Variants in PDS5B observed in about 807,000 individuals in gnomAD.
PDS5B encodes the protein PDS5 cohesin associated factor B, also known as sister chromatid cohesion protein PDS5 homolog B.
A neutral mutation model predicts 184.1 loss-of-function variants in PDS5B; 51 were observed. The observed-to-expected ratio is 0.28, with a 90% CI of 0.22 to 0.35. The LOEUF (loss-of-function observed/expected upper bound fraction) is 0.35. Ranked by LOEUF, PDS5B falls within the 10% of genes least tolerant of loss-of-function variation. PDS5B has a pLI of 1.00. For missense variants in PDS5B, 1,180 were observed against 1,723.3 expected, an observed-to-expected ratio of 0.68 and a Z score of 5.58; for synonymous variants, 566 against 569.2, an observed-to-expected ratio of 0.99 and a Z score of 0.08.
intron 7 of PDS5B, among the ~76,000 whole-genome samples, chr13:32,671,841 A>G (rs533527505): frequency 6.6e-6 from 1 of 152,350 alleles, no homozygotes; most frequent in South Asian, 2.1e-4. Context: ...CTTGTGTGGT[A>G]TAAAGAATCC....
chr13:32,770,819 A>T, intron 33 of PDS5B, 58 bp downstream of exon 33: 1 of 1,288,668 alleles, frequency 7.8e-7, no homozygotes, highest in Non-Finnish European at 1.1e-6. Flanking sequence ...AAAGTTCCTA[A>T]ATTTGTAAAC....
At position 32,694,221 on chromosome 13, in the gene PDS5B, A is replaced by G; in HGVS notation, c.1470-2A>G. The G allele has an allele frequency of 6.3e-7, 1 of 1,593,586 alleles. No homozygotes were observed. Among genetic ancestry groups the G allele is most frequent in the Non-Finnish European group, 8.6e-7 (1 of 1,166,236 alleles). ...TTAAATGTGTATGTTTGTGTTTTTC[A>G]GAGCATTGAATGAAATGTGGAAATG... On this transcript the variant is annotated splice_acceptor_variant, in intron 13 of 34. Coordinates refer to ENST00000315596, the MANE Select transcript of PDS5B (RefSeq NM_015032.4). LOFTEE classifies it high-confidence loss of function.
At chr13:32,633,704 T>A (rs1008184916) in intron 1 of PDS5B, among the ~76,000 whole-genome samples, 2 of 152,232 alleles carry the variant, frequency 1.3e-5, no homozygotes, top group Non-Finnish European at 2.9e-5. Context: ...CTAATTTTTC[T>A]TATAACCCCT....
At chr13:32,655,374 A>ATATATATATATATATATATATTT in intron 3 of PDS5B, among the ~76,000 whole-genome samples, 1 of 72,462 alleles carries the variant, frequency 1.4e-5, no homozygotes, top group Non-Finnish European at 2.2e-5. Flanking sequence ...ATATATATAT[A>ATATATATATATATATATATATTT]TTTTTTTTTT....
At position 32,732,123 on chromosome 13, in the gene PDS5B, C is replaced by T. The variant is rs768148525; in HGVS notation, c.2146C>T (p.His716Tyr). The change falls in exon 20 of 35, where the codon CAC becomes TAC. Residue 716 changes from histidine (H) to tyrosine (Y), a missense_variant. Transcript: ENST00000315596. ...TAGAGCCTTGCTTCCTGTTTTACAT[C>T]ACAAATCTAAAAAAGGACCCCCCCG... is the stretch of plus-strand genomic sequence containing the variant. ...IRSALLPVLH[H>Y]KSKKGPPRQA... The T allele has an allele frequency of 8.7e-6, 14 of 1,608,604 alleles. No homozygotes were observed. Among genetic ancestry groups the T allele is most frequent in the Non-Finnish European group, 1.1e-5 (13 of 1,176,572 alleles).
chr13:32,728,502 C>G (rs879385223), intron 19 of PDS5B, among the ~76,000 whole-genome samples: 1 of 152,164 alleles, frequency 6.6e-6, no homozygotes, highest in Non-Finnish European at 1.5e-5. Context: ...CAGGGATAGC[C>G]TCTGCAGATT....
At chr13:32,662,513 A>G (rs1312802021) in intron 6 of PDS5B, among the ~76,000 whole-genome samples, 3 of 152,174 alleles carry the variant, frequency 2.0e-5, no homozygotes, top group Non-Finnish European at 4.4e-5. Flanking sequence ...GTGATTATAA[A>G]TCAGGTAAAC....
intron 20 of PDS5B, 69 bp from the exon 21 acceptor site, chr13:32,735,097 TTGAAAA>T (rs1207086024): frequency 1.2e-4 from 107 of 891,170 alleles, no homozygotes; most frequent in Non-Finnish European, 1.6e-4. Flanking sequence ...ATTTTGTAAT[TTGAAAA>T]TGAAATATGT....
Position 32,777,255 on chromosome 13 carries a change from A to T in PDS5B, c.*2203A>T, listed in dbSNP as rs1023589969. The T allele has an allele frequency of 6.6e-6, 1 of 151,356 alleles. No homozygotes were observed. Among genetic ancestry groups the T allele is most frequent in the African/African-American group, 2.4e-5 (1 of 41,240 alleles). The allele number at this position is 151,356 out of a possible 1,614,324, so 9.4% of individuals were successfully genotyped here. On this transcript the variant is annotated 3_prime_UTR_variant, in exon 35 of 35. Coordinates refer to ENST00000315596, the MANE Select transcript of PDS5B (RefSeq NM_015032.4). ...GTTCACAAAAAAATGTTCATTGTAGATTTTGTTATGTTCAATGCCAATGAG... is the reference window on the plus strand; with the variant it reads ...GTTCACAAAAAAATGTTCATTGTAGTTTTTGTTATGTTCAATGCCAATGAG...
chr13:32,686,981 T>A (rs906420730), intron 11 of PDS5B, among the ~76,000 whole-genome samples, 153 bp from the exon 12 acceptor site: 15 of 152,298 alleles, frequency 9.8e-5, no homozygotes, highest in African/African-American at 2.6e-4. Context: ...TGTTTTTTTT[T>A]AATAAATGTA....
chr13:32,658,961 A>G (rs569639381), intron 5 of PDS5B, among the ~76,000 whole-genome samples, 193 bp from the exon 6 acceptor site: 1 of 152,278 alleles, frequency 6.6e-6, no homozygotes, highest in East Asian at 1.9e-4. Flanking sequence ...AATCTAAGAA[A>G]TGTAGTGTAA....
At chr13:32,616,961 A>G (rs746441677) in intron 1 of PDS5B, among the ~76,000 whole-genome samples, 2 of 152,190 alleles carry the variant, frequency 1.3e-5, no homozygotes, top group African/African-American at 4.8e-5. Flanking sequence ...AATTTAGATG[A>G]TCCTGTGCAT....
intron 6 of PDS5B, among the ~76,000 whole-genome samples, chr13:32,666,158 G>A (rs1320737442): frequency 6.6e-6 from 1 of 152,170 alleles, no homozygotes; most frequent in African/African-American, 2.4e-5. Context: ...TCAGCTCACT[G>A]CAACCTCTGC....
intron 8 of PDS5B, among the ~76,000 whole-genome samples, chr13:32,675,336 T>C (rs889260188): frequency 6.6e-6 from 1 of 152,198 alleles, no homozygotes; most frequent in Non-Finnish European, 1.5e-5. Context: ...AAGGCCTCTT[T>C]TTACTGTTGA....
rs371713456 is a variant in PDS5B at position 32,775,026 on chromosome 13, C to T, written c.4318C>T (p.Arg1440Ter). ...EEVSTVNVRR[R>*]SAKRERR ...TGACTTTCCTTTTAAGGTACGGCGG[C>T]GAAGTGCTAAAAGGGAACGGCGATG... Residue 1440 changes from arginine (R) to a stop codon, truncating the protein, a stop_gained, in exon 35 of 35, where the codon CGA becomes TGA. Transcript: ENST00000315596. LOFTEE classifies it high-confidence loss of function. 20 of 1,610,590 alleles carry T rather than the reference C, an allele frequency of 1.2e-5. No individual in the cohort carries two copies. Among genetic ancestry groups the T allele is most frequent in the Non-Finnish European group, 1.5e-5 (18 of 1,178,628 alleles).
At chr13:32,684,755 A>C (rs1462224289) in intron 11 of PDS5B, among the ~76,000 whole-genome samples, 1 of 152,226 alleles carries the variant, frequency 6.6e-6, no homozygotes, top group Non-Finnish European at 1.5e-5. Context: ...TTAAGTGCTA[A>C]TTATCAAAGA....
chr13:32,648,098 C>A (rs544701895), intron 1 of PDS5B, among the ~76,000 whole-genome samples: 8 of 152,264 alleles, frequency 5.3e-5, no homozygotes, highest in Middle Eastern at 3.4e-3. Context: ...TTCATGTTGC[C>A]TTTCTCTGTT....
At chr13:32,722,621 A>C (rs1952757437) in intron 19 of PDS5B, among the ~76,000 whole-genome samples, 1 of 152,206 alleles carries the variant, frequency 6.6e-6, no homozygotes, top group Non-Finnish European at 1.5e-5. Flanking sequence ...ATTTCTCAGA[A>C]TGTATCCCTA....
intron 1 of PDS5B, among the ~76,000 whole-genome samples, chr13:32,635,170 G>GTTTTTTTTTTTTTTTTTTTTTT (rs71071054): frequency 1.2e-5 from 1 of 81,058 alleles, no homozygotes; most frequent in African/African-American, 4.5e-5. Flanking sequence ...AGCCAATTAC[G>GTTTTTTTTTTTTTTTTTTTTTT]TTTTTTTTTT....
Sources: gnomAD v4.1 joint callset for allele counts (sites outside exome capture counted in the v4.1 genomes callset) on GRCh38, gnomAD v4.1.1 for gene constraint, MANE v1.5 for transcripts, NCBI Gene and HGNC (gene_info 2026-07-23, HGNC 2026-07-21) for gene names.